Variants in FRMD3 observed in about 807,000 individuals in gnomAD.
FRMD3 encodes FERM domain-containing protein 3.
FRMD3 carries 33 observed loss-of-function variants against 70.2 expected under a neutral mutation model. The observed-to-expected ratio is 0.47, with a 90% CI of 0.36 to 0.63. The LOEUF (loss-of-function observed/expected upper bound fraction) is 0.63, where lower values mean the gene tolerates loss of function less well. FRMD3 is among the 20% of genes least tolerant of loss of function. The pLI, the probability that FRMD3 is intolerant of heterozygous loss-of-function variation, is 0.00. For synonymous variants in FRMD3, 279 were observed against 255.9 expected, an observed-to-expected ratio of 1.09 and a Z score of -0.86; for missense variants, 632 against 711.4, an observed-to-expected ratio of 0.89 and a Z score of 1.27.
At chr9:83,273,719 A>G (rs961946639) in intron 13 of FRMD3, among the ~76,000 whole-genome samples, 2 of 152,156 alleles carry the variant, frequency 1.3e-5, no homozygotes, top group African/African-American at 4.8e-5. Context: ...ATTTATGCAC[A>G]AAGTGTCTAA....
intron 13 of FRMD3, among the ~76,000 whole-genome samples, chr9:83,260,153 A>C (rs1392129025): frequency 2.0e-5 from 3 of 152,196 alleles, no homozygotes; most frequent in Admixed American, 2.0e-4. Context: ...TTAAAGTTAT[A>C]TGTAGAAAGA....
the FRMD3 span, among the ~76,000 whole-genome samples, chr9:83,561,739 G>A: frequency 7.9e-5 from 12 of 152,282 alleles, no homozygotes; most frequent in South Asian, 1.5e-3. Context: ...AATAAGCCAA[G>A]GAAAGTCTCA....
chr9:83,581,793 A>G, the FRMD3 span, among the ~76,000 whole-genome samples: 1 of 152,214 alleles, frequency 6.6e-6, no homozygotes, highest in Admixed American at 6.5e-5. Context: ...AAAAAAATGA[A>G]GTGTGTAGTT....
At chr9:83,422,167 G>A (rs1366564161) in intron 1 of FRMD3, among the ~76,000 whole-genome samples, 1 of 152,230 alleles carries the variant, frequency 6.6e-6, no homozygotes, top group East Asian at 1.9e-4. Flanking sequence ...AGAGGCTGCA[G>A]TGAGCCAAGA....
chr9:83,388,788 TG>T lies in FRMD3; in HGVS notation c.252+815del, dbSNP rs201309707. Among the ~76,000 whole-genome samples the T allele has an allele frequency of 8.1e-3, 1,238 of 152,268 alleles. 18 individuals are homozygous for T. The highest frequency in any genetic ancestry group is 0.029 in the African/African-American group (1,191 of 41,536). On this transcript the variant is annotated intron_variant, in intron 2 of 13. Transcript: ENST00000304195. Reference sequence around the variant, plus strand: ...CTGTCAAAACTTTGTTGAAAAAAACTGAGGTGAAATTCACATAACGAAATTA... The same window carrying T: ...CTGTCAAAACTTTGTTGAAAAAAACTAGGTGAAATTCACATAACGAAATTA...
chr9:83,343,517 G>T (rs1461484444), intron 4 of FRMD3, among the ~76,000 whole-genome samples: 1 of 152,080 alleles, frequency 6.6e-6, no homozygotes, highest in East Asian at 1.9e-4. Flanking sequence ...CCAAAGCTGA[G>T]CAGGCTCGGC....
intron 3 of FRMD3, among the ~76,000 whole-genome samples, chr9:83,357,834 A>G (rs4085854): frequency 0.72 from 108,804 of 152,068 alleles, 39,195 homozygotes; most frequent in Admixed American, 0.75. Context: ...GTCCTTTGTC[A>G]AATGTATAGA....
intron 13 of FRMD3, among the ~76,000 whole-genome samples, chr9:83,267,955 T>A (rs1200980844): frequency 6.6e-6 from 1 of 152,198 alleles, no homozygotes; most frequent in African/African-American, 2.4e-5. Context: ...ATGCTAATCT[T>A]TTCTTCACTT....
At chr9:83,261,560 A>G (rs1832996361) in intron 13 of FRMD3, among the ~76,000 whole-genome samples, 1 of 151,890 alleles carries the variant, frequency 6.6e-6, no homozygotes, top group Admixed American at 6.6e-5. Context: ...TCTCTTCACT[A>G]CTTGTGAGGG....
At chr9:83,507,519 A>C (rs1829213429) in intron 1 of FRMD3, among the ~76,000 whole-genome samples, 2 of 148,948 alleles carry the variant, frequency 1.3e-5, no homozygotes, top group Admixed American at 1.3e-4. Flanking sequence ...ATAAAGAAAA[A>C]ATTAGCCAGG....
intron 1 of FRMD3, among the ~76,000 whole-genome samples, chr9:83,404,105 C>T (rs964889488): frequency 6.6e-6 from 1 of 151,990 alleles, no homozygotes; most frequent in East Asian, 1.9e-4. Context: ...CAGGCACGCA[C>T]ACAAGAACGA....
chr9:83,538,560 C>T (rs1049354576), upstream of FRMD3: 1 of 212,774 alleles, frequency 4.7e-6, no homozygotes, highest in African/African-American at 2.3e-5. This position sits in a 1 kb window ranked among gnomAD's most constrained non-coding sequence, Gnocchi z 4.7. Context: ...CACTCACTCC[C>T]ACGCGCGCCG....
Position 83,245,692 on chromosome 9 carries a change from G to A in FRMD3, c.*2226C>T, listed in dbSNP as rs1832060311. On this transcript the variant is annotated 3_prime_UTR_variant, in exon 14 of 14. Transcript: ENST00000304195. Reference sequence around the variant, plus strand: ...ATAATATTATTTTGAAAGACTGAGGGCCAGATGATTTGTCATAGTCAGAAC... The same window carrying A: ...ATAATATTATTTTGAAAGACTGAGGACCAGATGATTTGTCATAGTCAGAAC... The A allele has an allele frequency of 1.0e-6, 1 of 964,520 alleles. No individual in the cohort carries two copies. The highest frequency in any genetic ancestry group is 1.8e-5 in the African/African-American group (1 of 56,844). 59.7% of individuals were successfully genotyped at this position (964,520 alleles called of 1,614,324 possible). A position where few individuals can be genotyped will look rare whatever the true frequency, so the allele number is the denominator to read the frequency against.
intron 1 of FRMD3, among the ~76,000 whole-genome samples, chr9:83,447,577 C>T (rs1827518532): frequency 6.6e-6 from 1 of 152,182 alleles, no homozygotes; most frequent in Admixed American, 6.5e-5. Context: ...AGGGGACCTG[C>T]AGTCAGAATT....
intron 12 of FRMD3, 122 bp from the exon 13 acceptor site, chr9:83,290,849 T>C (rs1834390875): frequency 2.0e-6 from 2 of 1,001,630 alleles, no homozygotes; most frequent in East Asian, 4.9e-5. Flanking sequence ...ACACAGTGAA[T>C]TGAGCCAGTA....
chr9:83,556,776 G>A, the FRMD3 span, among the ~76,000 whole-genome samples: 5 of 151,830 alleles, frequency 3.3e-5, no homozygotes, highest in Non-Finnish European at 7.4e-5. Flanking sequence ...CAAGAGATTC[G>A]TTTTTCAAAA....
downstream of FRMD3, chr9:83,243,321 A>AGAGT: frequency 8.8e-7 from 1 of 1,140,064 alleles, no homozygotes; most frequent in Non-Finnish European, 1.3e-6. Context: ...CACCCTGTAG[A>AGAGT]GAGTGGCCCA....
At chr9:83,411,680 T>C (rs749431691) in intron 1 of FRMD3, among the ~76,000 whole-genome samples, 11 of 152,234 alleles carry the variant, frequency 7.2e-5, no homozygotes, top group Non-Finnish European at 1.2e-4. Context: ...ATAACTTCGA[T>C]GAGAAGTAAG....
At chr9:83,289,404 A>G (rs1406976975) in intron 13 of FRMD3, among the ~76,000 whole-genome samples, 8 of 152,200 alleles carry the variant, frequency 5.3e-5, no homozygotes, top group Admixed American at 3.3e-4. Context: ...CCCATCTTTC[A>G]TACTTTGCAC....
Sources: gnomAD v4.1 joint callset for allele counts (sites outside exome capture counted in the v4.1 genomes callset) on GRCh38, gnomAD v4.1.1 for gene constraint, Gnocchi (gnomAD v3.1) non-coding constraint, MANE v1.5 for transcripts, NCBI Gene and HGNC (gene_info 2026-07-23, HGNC 2026-07-21) for gene names.